APPBP2: variants seen among roughly 807,000 people sequenced by gnomAD.
APPBP2 encodes the protein amyloid beta precursor protein binding protein 2.
In APPBP2, 15 loss-of-function variants were observed where a neutral mutation model predicts 76.0. That is an observed-to-expected ratio of 0.20 (90% CI 0.13 to 0.30). The LOEUF is 0.30. APPBP2 is among the 10% of genes least tolerant of loss of function. The pLI is 1.00. For synonymous variants in APPBP2, 222 were observed against 242.2 expected (o/e 0.92, Z 0.77); for missense variants, 401 against 687.2 (o/e 0.58, Z 4.66).
chr17:60,517,205 G>C (rs571622044), intron 1 of APPBP2, among the ~76,000 whole-genome samples: 4 of 152,214 alleles, frequency 2.6e-5, no homozygotes, highest in Non-Finnish European at 4.4e-5. Context: ...TTGAACTCCT[G>C]ACCTCAGGTG....
rs2091052978 is a variant in APPBP2 at position 60,526,094 on chromosome 17, C to A, written c.-163G>T. 2 of 653,228 alleles carry A rather than the reference C, an allele frequency of 3.1e-6. No homozygotes were observed. The highest frequency in any genetic ancestry group is 6.0e-5 in the Admixed American group (2 of 33,560). 40.5% of individuals were successfully genotyped at this position (653,228 alleles called of 1,614,324 possible). A position where few individuals can be genotyped will look rare whatever the true frequency, so the allele number is the denominator to read the frequency against. ...CCGCCCTGCCTCCTCCGGGGGCAAA[C>A]TGAGGGACGGCGGCAGCGGACGCAG... is the stretch of plus-strand genomic sequence containing the variant. On this transcript the variant is annotated 5_prime_UTR_variant, in exon 1 of 13. Transcript: ENST00000083182.
intron 3 of APPBP2, among the ~76,000 whole-genome samples, chr17:60,488,078 T>A (rs1003492731): frequency 5.9e-5 from 9 of 152,224 alleles, no homozygotes; most frequent in African/African-American, 1.9e-4. Context: ...GCCTGATCCT[T>A]CCTCTGGAAG....
At chr17:60,509,923 T>C (rs904723789) in intron 1 of APPBP2, among the ~76,000 whole-genome samples, 5 of 152,226 alleles carry the variant, frequency 3.3e-5, no homozygotes, top group African/African-American at 1.2e-4. Flanking sequence ...GAATCGATAA[T>C]TGTTAAAGCT....
intron 4 of APPBP2, among the ~76,000 whole-genome samples, chr17:60,469,406 G>T (rs536269148): frequency 2.2e-4 from 33 of 148,544 alleles, no homozygotes; most frequent in Non-Finnish European, 3.7e-4. Context: ...ACCGGTATGG[G>T]TTTAATAATT....
intron 1 of APPBP2, among the ~76,000 whole-genome samples, chr17:60,520,768 C>T (rs1211663257): frequency 6.6e-6 from 1 of 151,962 alleles, no homozygotes; most frequent in Admixed American, 6.6e-5. Flanking sequence ...CACTACATTG[C>T]CCCAGCCAGT....
Position 60,525,708 on chromosome 17 carries a change from T to TA in APPBP2, c.138+85_138+86insT, listed in dbSNP as rs2091047965. 5 of 1,586,522 alleles carry TA rather than the reference T, an allele frequency of 3.2e-6. No homozygotes were observed. In the East Asian group the frequency reaches 1.1e-4, roughly 36 times the overall value. ...CAAGTCTGCCGGAAGGGGTGAGGGG[T>TA]TAACTGCGGGGGTTCGCAGACGTGG... On this transcript the variant is annotated intron_variant, in intron 1 of 12. Transcript: ENST00000083182.
chr17:60,517,170 T>A (rs1026934526), intron 1 of APPBP2, among the ~76,000 whole-genome samples: 1 of 152,108 alleles, frequency 6.6e-6, no homozygotes, highest in Admixed American at 6.6e-5. Context: ...GGAGATGGGG[T>A]TTCACCATGT....
At chr17:60,505,781 T>C (rs749587707) in intron 1 of APPBP2, among the ~76,000 whole-genome samples, 4 of 145,844 alleles carry the variant, frequency 2.7e-5, no homozygotes, top group Non-Finnish European at 5.9e-5. Flanking sequence ...CCTCCCGGGT[T>C]CAAGCAATTC....
chr17:60,490,706 G>A (rs931120926), intron 3 of APPBP2, among the ~76,000 whole-genome samples: 3 of 152,122 alleles, frequency 2.0e-5, no homozygotes, highest in Non-Finnish European at 4.4e-5. Flanking sequence ...GGAGGGACCT[G>A]GTGGGAGATA....
At chr17:60,489,842 T>C (rs548346608) in intron 3 of APPBP2, among the ~76,000 whole-genome samples, 2 of 149,322 alleles carry the variant, frequency 1.3e-5, no homozygotes, top group Non-Finnish European at 2.9e-5. Context: ...TTGAGACCAG[T>C]CTGGCCAACA....
intron 1 of APPBP2, among the ~76,000 whole-genome samples, chr17:60,504,681 C>A (rs2090852380): frequency 6.6e-6 from 1 of 152,100 alleles, no homozygotes; most frequent in Non-Finnish European, 1.5e-5. Context: ...GGCATGGCTG[C>A]GTGTCCCAGG....
chr17:60,523,659 T>A (rs1184910742), intron 1 of APPBP2, among the ~76,000 whole-genome samples: 1 of 152,196 alleles, frequency 6.6e-6, no homozygotes, highest in South Asian at 2.1e-4. Flanking sequence ...CGAGACCCCA[T>A]CTCTATTTTT....
At chr17:60,454,691 A>G (rs1208678057) in intron 10 of APPBP2, among the ~76,000 whole-genome samples, 199 bp from the exon 11 acceptor site, 1 of 152,198 alleles carries the variant, frequency 6.6e-6, no homozygotes, top group Non-Finnish European at 1.5e-5. Flanking sequence ...TTTGCACAGT[A>G]TATATATTCA....
chr17:60,512,545 T>C (rs1185738012), intron 1 of APPBP2, among the ~76,000 whole-genome samples: 2 of 151,828 alleles, frequency 1.3e-5, no homozygotes, highest in Admixed American at 6.6e-5. Flanking sequence ...ACCTCAAGAA[T>C]GTTGAATAGG....
intron 1 of APPBP2, among the ~76,000 whole-genome samples, chr17:60,504,678 C>T (rs9914846): frequency 0.2 from 30,690 of 152,152 alleles, 10,310 homozygotes; most frequent in African/African-American, 0.7. Flanking sequence ...CCCGGCATGG[C>T]TGCGTGTCCC....
At chr17:60,474,134 C>T (rs1269752616) in intron 4 of APPBP2, among the ~76,000 whole-genome samples, 2 of 151,826 alleles carry the variant, frequency 1.3e-5, no homozygotes, top group African/African-American at 4.8e-5. Flanking sequence ...AAGGTCATGA[C>T]CTCCAGAATA....
intron 6 of APPBP2, among the ~76,000 whole-genome samples, 176 bp downstream of exon 6, chr17:60,463,845 G>A (rs1211251639): frequency 1.3e-5 from 2 of 152,210 alleles, no homozygotes; most frequent in African/African-American, 4.8e-5. Context: ...AAATCTATGT[G>A]TGATATAGTT....
rs1294997705 is a variant in APPBP2, at chr17:60,460,472, T to C, written c.1061+191A>G. On this transcript the variant is annotated intron_variant, in intron 9 of 12. Transcript: ENST00000083182. ...GATTACAGGCGGGAGCCTCTGCACCTGAAAACTGGTATGATTTTAAATGAC... is the reference window on the plus strand; with the variant it reads ...GATTACAGGCGGGAGCCTCTGCACCCGAAAACTGGTATGATTTTAAATGAC... 10 of 456,158 alleles carry C rather than the reference T, an allele frequency of 2.2e-5. No homozygotes were observed. The South Asian group carries it at 3.0e-4, about 14-fold the overall frequency. 28.3% of individuals were successfully genotyped at this position (456,158 alleles called of 1,614,324 possible). A position where few individuals can be genotyped will look rare whatever the true frequency, so the allele number is the denominator to read the frequency against.
chr17:60,475,552 C>T (rs1014438723), intron 4 of APPBP2, among the ~76,000 whole-genome samples: 41 of 151,968 alleles, frequency 2.7e-4, no homozygotes, highest in African/African-American at 9.9e-4. Context: ...AACTAAGATA[C>T]TGCTACTTTC....
Sources: gnomAD v4.1 joint callset for allele counts (sites outside exome capture counted in the v4.1 genomes callset) on GRCh38, gnomAD v4.1.1 for gene constraint, MANE v1.5 for transcripts, NCBI Gene and HGNC (gene_info 2026-07-23, HGNC 2026-07-21) for gene names.